Variants in LCLAT1 observed in about 807,000 individuals in gnomAD.
LCLAT1 encodes 1-AGP acyltransferase 8.
Under a neutral mutation model 30.7 loss-of-function variants are expected in LCLAT1, and 11 were observed. The ratio of observed to expected loss-of-function variants is 0.36; its 90% CI spans 0.23 to 0.59. The LOEUF is 0.59. LCLAT1 is among the 20% of genes least tolerant of loss of function. The probability of loss-of-function intolerance (pLI) is 0.77; values close to 1 mark genes in which losing one functional copy is unlikely to be tolerated. For synonymous variants in LCLAT1, 155 were observed against 151.3 expected (o/e 1.02, Z -0.18); for missense variants, 402 against 458.6 (o/e 0.88, Z 1.13).
intron 1 of LCLAT1, among the ~76,000 whole-genome samples, chr2:30,460,132 T>C (rs1487259083): frequency 6.6e-6 from 1 of 152,200 alleles, no homozygotes; most frequent in African/African-American, 2.4e-5. Context: ...TACCATTAGC[T>C]AGTATCCTCC....
intron 5 of LCLAT1, among the ~76,000 whole-genome samples, chr2:30,581,843 G>C (rs1159061348): frequency 6.6e-6 from 1 of 152,170 alleles, no homozygotes; most frequent in Admixed American, 6.5e-5. Flanking sequence ...CTATAACACT[G>C]TGGGGTGACT....
intron 1 of LCLAT1, among the ~76,000 whole-genome samples, chr2:30,506,624 C>T (rs542228177): frequency 3.7e-4 from 57 of 152,042 alleles, no homozygotes; most frequent in Non-Finnish European, 7.8e-4. Flanking sequence ...AGCTATGAGC[C>T]TTTGAGACTC....
At chr2:30,600,481 C>G (rs908691210) in intron 5 of LCLAT1, among the ~76,000 whole-genome samples, 2 of 152,050 alleles carry the variant, frequency 1.3e-5, no homozygotes. Context: ...CAAACAAACT[C>G]CAAAGCTAGC....
intron 5 of LCLAT1, among the ~76,000 whole-genome samples, chr2:30,638,861 C>T (rs141761387): frequency 5.9e-5 from 9 of 151,842 alleles, no homozygotes; most frequent in Non-Finnish European, 7.4e-5. Flanking sequence ...GTGTCACATC[C>T]GTTCTTCCTT....
chr2:30,608,829 T>C (rs1226419167), intron 5 of LCLAT1, among the ~76,000 whole-genome samples: 1 of 152,118 alleles, frequency 6.6e-6, no homozygotes, highest in Non-Finnish European at 1.5e-5. Context: ...TAGTTGTATG[T>C]CCAAGAGTAG....
rs138523691 is a variant in LCLAT1 at position 30,486,429 on chromosome 2, C to T, written c.-5+39046C>T. Among the ~76,000 whole-genome samples, 4 of 152,182 alleles carry T rather than the reference C, an allele frequency of 2.6e-5. No individual in the cohort carries two copies. The East Asian group carries it at 7.7e-4, about 29-fold the overall frequency. On this transcript the variant is annotated intron_variant, in intron 1 of 5. Transcript: ENST00000379509. The stretch of plus-strand genomic sequence containing the variant: ...TATTGGGGATTGGTTTTAAGTTTAG[C>T]GTTTGAGAACCACTGACCTAACCAC...
At chr2:30,486,603 C>G (rs1290268264) in intron 1 of LCLAT1, among the ~76,000 whole-genome samples, 1 of 152,190 alleles carries the variant, frequency 6.6e-6, no homozygotes, top group Non-Finnish European at 1.5e-5. Flanking sequence ...CATTTCAAAT[C>G]CTCTAGTGGC....
chr2:30,463,291 T>G (rs954723064), intron 1 of LCLAT1, among the ~76,000 whole-genome samples: 19 of 152,296 alleles, frequency 1.2e-4, no homozygotes, highest in African/African-American at 2.9e-4. Flanking sequence ...CACTTTATAT[T>G]ATTAGGATTT....
chr2:30,509,015 A>T (rs1341238332), intron 1 of LCLAT1, among the ~76,000 whole-genome samples: 1 of 151,984 alleles, frequency 6.6e-6, no homozygotes, highest in Non-Finnish European at 1.5e-5. Context: ...TAGTTATTTT[A>T]TTCTTTTTGT....
chr2:30,501,974 C>T (rs184552200), intron 1 of LCLAT1, among the ~76,000 whole-genome samples: 3 of 152,258 alleles, frequency 2.0e-5, no homozygotes, highest in East Asian at 3.9e-4. Context: ...AGTTCTTTAA[C>T]GTAAGAAATC....
chr2:30,635,135 C>T (rs896098503), intron 5 of LCLAT1, among the ~76,000 whole-genome samples: 1 of 152,084 alleles, frequency 6.6e-6, no homozygotes. Flanking sequence ...AGTGGTGGCT[C>T]ACATCTTTAA....
At chr2:30,518,766 C>T (rs1685319804) in intron 1 of LCLAT1, among the ~76,000 whole-genome samples, 1 of 152,186 alleles carries the variant, frequency 6.6e-6, no homozygotes, top group African/African-American at 2.4e-5. Flanking sequence ...TATCCCTGTA[C>T]ATCCTGACTC....
chr2:30,577,849 A>AGG (rs553372125), intron 5 of LCLAT1, among the ~76,000 whole-genome samples: 120 of 152,106 alleles, frequency 7.9e-4, no homozygotes, highest in African/African-American at 2.7e-3. Flanking sequence ...TGTTCATGCT[A>AGG]CCTGCCTGAT....
chr2:30,595,709 A>G (rs932759840), intron 5 of LCLAT1, among the ~76,000 whole-genome samples: 1 of 152,134 alleles, frequency 6.6e-6, no homozygotes, highest in African/African-American at 2.4e-5. Context: ...AATGTGTGCC[A>G]TGGTGGTTTG....
At chr2:30,632,053 A>T (rs1479801413) in intron 5 of LCLAT1, among the ~76,000 whole-genome samples, 3 of 152,240 alleles carry the variant, frequency 2.0e-5, no homozygotes, top group African/African-American at 7.2e-5. Context: ...CACTGAAAAG[A>T]TTCACCATTT....
At chr2:30,543,155 G>T (rs1664233633) in intron 3 of LCLAT1, among the ~76,000 whole-genome samples, 1 of 151,904 alleles carries the variant, frequency 6.6e-6, no homozygotes, top group South Asian at 2.1e-4. Flanking sequence ...TTCCTGATTT[G>T]CTGTGACTTT....
chr2:30,603,387 T>C (rs1039367283), intron 5 of LCLAT1, among the ~76,000 whole-genome samples: 2 of 151,520 alleles, frequency 1.3e-5, no homozygotes, highest in African/African-American at 4.8e-5. Context: ...CCTAAAAGCT[T>C]CCAAAGAGAT....
chr2:30,618,178 A>G (rs1668083133), intron 5 of LCLAT1, among the ~76,000 whole-genome samples: 1 of 152,148 alleles, frequency 6.6e-6, no homozygotes, highest in Non-Finnish European at 1.5e-5. Context: ...CCTTTATAGT[A>G]AGTCCTGAAA....
chr2:30,548,348 A>G (rs532722644), intron 3 of LCLAT1, among the ~76,000 whole-genome samples: 4 of 152,270 alleles, frequency 2.6e-5, no homozygotes, highest in Non-Finnish European at 5.9e-5. Flanking sequence ...GGGTTTATAT[A>G]TTTTAGGGAG....
Sources: gnomAD v4.1 joint callset for allele counts (sites outside exome capture counted in the v4.1 genomes callset) on GRCh38, gnomAD v4.1.1 for gene constraint, MANE v1.5 for transcripts, NCBI Gene and HGNC (gene_info 2026-07-23, HGNC 2026-07-21) for gene names.